TENM2: variants seen among roughly 807,000 people sequenced by gnomAD.
TENM2 encodes the protein teneurin-2.
TENM2 carries 52 observed loss-of-function variants against 245.2 expected under a neutral mutation model. The ratio of observed to expected loss-of-function variants is 0.21; its 90% CI spans 0.17 to 0.27. The LOEUF is 0.27. Ranked by LOEUF, TENM2 falls within the 10% of genes least tolerant of loss-of-function variation. The pLI is 1.00. For synonymous variants in TENM2, 1,363 were observed against 1,438.9 expected (o/e 0.95, Z 1.19); for missense variants, 3,046 against 3,666.8 (o/e 0.83, Z 4.37).
chr5:168,137,142 C>T (rs750684008), intron 12 of TENM2, among the ~76,000 whole-genome samples: 21 of 152,124 alleles, frequency 1.4e-4, no homozygotes, highest in South Asian at 8.3e-4. Flanking sequence ...GGTCTAGAGA[C>T]GGAAAGCCCC....
At chr5:167,570,890 T>G (rs528731631) in intron 2 of TENM2, among the ~76,000 whole-genome samples, 27 of 152,256 alleles carry the variant, frequency 1.8e-4, no homozygotes, top group African/African-American at 6.3e-4. Flanking sequence ...GGATTTTACA[T>G]TTTACACTGG....
Position 167,365,541 on chromosome 5 carries a change from C to A in TENM2, c.227-9657C>A, listed in dbSNP as rs866013940. ...TGATCAATTTAAAAAAAGAAAGGAT[C>A]CCTCATATCAAAAATGAAAGAAAGA... On this transcript the variant is annotated intron_variant, in intron 1 of 28. Transcript: ENST00000518659. Among the ~76,000 whole-genome samples the A allele has an allele frequency of 1.1e-4, 17 of 151,562 alleles. 1 individual carries two copies. Among genetic ancestry groups the A allele is most frequent in the Middle Eastern group, 3.4e-3 (1 of 290 alleles).
chr5:168,030,158 C>CTTTTTTT (rs540326142), intron 5 of TENM2, among the ~76,000 whole-genome samples: 22 of 65,280 alleles, frequency 3.4e-4, no homozygotes, highest in African/African-American at 8.0e-4. Context: ...GGTTCTGGCT[C>CTTTTTTT]TTTTTTTTTT....
chr5:167,329,398 A>G (rs536095435), intron 1 of TENM2, among the ~76,000 whole-genome samples: 2 of 150,374 alleles, frequency 1.3e-5, no homozygotes. Flanking sequence ...ACAAAAAAAA[A>G]AAAAATAGCC....
At chr5:167,560,342 A>G (rs1773506941) in intron 2 of TENM2, among the ~76,000 whole-genome samples, 1 of 148,516 alleles carries the variant, frequency 6.7e-6, no homozygotes, top group Non-Finnish European at 1.5e-5. Flanking sequence ...TTTGCATGCG[A>G]CAGTTGAGGG....
At chr5:167,228,800 G>A in the TENM2 span, among the ~76,000 whole-genome samples, 1 of 151,872 alleles carries the variant, frequency 6.6e-6, no homozygotes, top group Admixed American at 6.6e-5. Flanking sequence ...CGCCTCCTGT[G>A]TTCACACCAT....
In TENM2 at chr5:168,216,686, A is replaced by G; in HGVS notation, c.4079-82A>G. On this transcript the variant is annotated intron_variant, in intron 21 of 28. Transcript: ENST00000518659. ...GGTCTCTGGTCTAAGCAGAGTGCTC[A>G]GCAAGGCATCTCATCTCCCACCTCC... 3 of 1,374,838 alleles carry G rather than the reference A, an allele frequency of 2.2e-6. No homozygotes were observed. In the South Asian group the frequency reaches 3.6e-5, roughly 16 times the overall value. 85.2% of individuals were successfully genotyped at this position (1,374,838 alleles called of 1,614,324 possible). A position where few individuals can be genotyped will look rare whatever the true frequency, so the allele number is the denominator to read the frequency against.
intron 2 of TENM2, among the ~76,000 whole-genome samples, chr5:167,497,179 T>A (rs1768876492): frequency 6.6e-6 from 1 of 152,038 alleles, no homozygotes; most frequent in Non-Finnish European, 1.5e-5. Flanking sequence ...ATGCGTGAAT[T>A]GCAAACCAGT....
At chr5:167,510,710 C>T (rs1769891123) in intron 2 of TENM2, among the ~76,000 whole-genome samples, 1 of 151,962 alleles carries the variant, frequency 6.6e-6, no homozygotes. Context: ...AGAAAGTTGA[C>T]ATTTTAGTTG....
At chr5:167,872,548 GAGAA>G (rs144381538) in intron 2 of TENM2, among the ~76,000 whole-genome samples, 1,605 of 65,186 alleles carry the variant, frequency 0.025, 62 homozygotes, top group African/African-American at 0.056. Context: ...AAGAAAGAAA[GAGAA>G]AGAAAGAAAG....
chr5:167,949,163 A>G (rs1172841102), intron 3 of TENM2, among the ~76,000 whole-genome samples: 5 of 152,200 alleles, frequency 3.3e-5, no homozygotes, highest in Non-Finnish European at 7.3e-5. Context: ...ACATAAATAC[A>G]TACAGCCAGC....
At chr5:167,296,117 T>C (rs1754934892) in intron 1 of TENM2, 1 of 152,108 alleles carries the variant, frequency 6.6e-6, no homozygotes, top group African/African-American at 2.4e-5. Context: ...CAGAGAAAAG[T>C]CAGATGGGCT....
At chr5:167,527,422 A>C (rs1771196277) in intron 2 of TENM2, among the ~76,000 whole-genome samples, 1 of 152,214 alleles carries the variant, frequency 6.6e-6, no homozygotes, top group East Asian at 1.9e-4. Context: ...ATTGCTTGAC[A>C]TCCTTTCTAA....
intron 2 of TENM2, among the ~76,000 whole-genome samples, chr5:167,736,408 C>T (rs1760799969): frequency 1.3e-5 from 2 of 152,086 alleles, no homozygotes; most frequent in Non-Finnish European, 2.9e-5. Context: ...ATTTCTGCTT[C>T]TAACCAAACA....
chr5:167,140,268 A>G, the TENM2 span, among the ~76,000 whole-genome samples: 18 of 152,240 alleles, frequency 1.2e-4, no homozygotes, highest in African/African-American at 4.1e-4. Context: ...TGGGGTAGCC[A>G]TCCCTTCAAG....
chr5:167,820,606 T>C (rs561570498), intron 2 of TENM2, among the ~76,000 whole-genome samples: 18 of 152,272 alleles, frequency 1.2e-4, no homozygotes, highest in African/African-American at 3.9e-4. Context: ...CGGCTAAGAT[T>C]GGTTAATTTC....
chr5:167,765,836 A>G (rs894781505), intron 2 of TENM2, among the ~76,000 whole-genome samples: 1 of 152,182 alleles, frequency 6.6e-6, no homozygotes, highest in Non-Finnish European at 1.5e-5. Flanking sequence ...TTGTCATGTT[A>G]TCATGGTGCC....
At chr5:167,507,835 T>C (rs1769658820) in intron 2 of TENM2, among the ~76,000 whole-genome samples, 1 of 152,178 alleles carries the variant, frequency 6.6e-6, no homozygotes, top group South Asian at 2.1e-4. Flanking sequence ...TTTGTTTTCT[T>C]TCTTTTTTCT....
At chr5:167,115,207 CGGAGCTGGTT>C in the TENM2 span, among the ~76,000 whole-genome samples, 777 of 152,202 alleles carry the variant, frequency 5.1e-3, 6 homozygotes, top group African/African-American at 0.018. Flanking sequence ...GTTAGGCAAC[CGGAGCTGGTT>C]GTGGGTGTCT....
Sources: gnomAD v4.1 joint callset for allele counts (sites outside exome capture counted in the v4.1 genomes callset) on GRCh38, gnomAD v4.1.1 for gene constraint, MANE v1.5 for transcripts, NCBI Gene and HGNC (gene_info 2026-07-23, HGNC 2026-07-21) for gene names.